The following DIAPH3 variants were observed in gnomAD, a reference collection of about 807,000 sequenced individuals.
The protein encoded by DIAPH3 is protein diaphanous homolog 3.
Under a neutral mutation model 144.3 loss-of-function variants are expected in DIAPH3, and 117 were observed. The ratio of observed to expected loss-of-function variants is 0.81; its 90% CI spans 0.70 to 0.95. DIAPH3 has a LOEUF of 0.95. Among genes scored for constraint, DIAPH3 ranks in the 40% least tolerant of loss-of-function variants. The probability of loss-of-function intolerance (pLI) is 0.00; values close to 1 mark genes in which losing one functional copy is unlikely to be tolerated. For missense variants in DIAPH3, 1,421 were observed against 1,412.7 expected (o/e 1.01, Z -0.09); for synonymous variants, 519 against 488.9 (o/e 1.06, Z -0.81).
At chr13:59,861,565 C>CA in intron 21 of DIAPH3, 29 bp from the exon 22 acceptor site, 1 of 1,603,056 alleles carries the variant, frequency 6.2e-7, no homozygotes, top group South Asian at 1.1e-5. Context: ...AGAAAAAACA[C>CA]AGAGTCATAA....
chr13:59,835,365 G>GA (rs34539536), intron 23 of DIAPH3, among the ~76,000 whole-genome samples: 9 of 151,246 alleles, frequency 6.0e-5, no homozygotes, highest in African/African-American at 2.2e-4. Flanking sequence ...GTATGATGTA[G>GA]AAAAAAAATA....
intron 27 of DIAPH3, among the ~76,000 whole-genome samples, chr13:59,706,550 T>C (rs2034438827): frequency 6.6e-6 from 1 of 152,244 alleles, no homozygotes. Flanking sequence ...ATTAAGTTAC[T>C]CTAATATATT....
At chr13:60,136,853 T>C (rs868178753) in intron 1 of DIAPH3, among the ~76,000 whole-genome samples, 2 of 151,742 alleles carry the variant, frequency 1.3e-5, no homozygotes, top group South Asian at 2.1e-4. Flanking sequence ...GACAGGAGAA[T>C]GGCGTGAACC....
chr13:60,105,112 A>AC (rs1566777920), intron 3 of DIAPH3, among the ~76,000 whole-genome samples: 2 of 74,580 alleles, frequency 2.7e-5, no homozygotes, highest in Non-Finnish European at 3.1e-5. Context: ...AAAAAAAAAA[A>AC]AAAAAAAAAA....
At chr13:59,731,800 A>C (rs986019374) in intron 27 of DIAPH3, among the ~76,000 whole-genome samples, 1 of 152,230 alleles carries the variant, frequency 6.6e-6, no homozygotes, top group Non-Finnish European at 1.5e-5. Flanking sequence ...AGCTTTTCAC[A>C]GCTGAAAAAT....
At chr13:60,114,189 A>ATT (rs111992300) in intron 2 of DIAPH3, among the ~76,000 whole-genome samples, 33 of 148,138 alleles carry the variant, frequency 2.2e-4, no homozygotes, top group Admixed American at 8.1e-4. Flanking sequence ...TAAAATGGGC[A>ATT]TTTTTTTTTT....
chr13:59,977,214 T>C (rs1366333206), intron 14 of DIAPH3, among the ~76,000 whole-genome samples: 1 of 151,658 alleles, frequency 6.6e-6, no homozygotes, highest in Non-Finnish European at 1.5e-5. Context: ...CAATTAAAAA[T>C]ACCAGCAATA....
rs1304587208 is a variant in DIAPH3 at position 60,118,209 on chromosome 13, AAATT to A, written c.214-6027_214-6024del. On this transcript the variant is annotated intron_variant, in intron 2 of 27. Transcript: ENST00000400324. ...ATAATCAGTAATGACAGTTTAAATA[AAATT>A]AATTAAACAAAAAAAGGTTCAAAAA... 3.9e-5 allele frequency among the ~76,000 whole-genome samples: 6 copies of A among 152,306 alleles called. No individual in the cohort carries two copies. In the South Asian group the frequency reaches 6.2e-4, roughly 16 times the overall value.
chr13:59,858,315 T>C (rs1206122032), intron 22 of DIAPH3, among the ~76,000 whole-genome samples: 1 of 152,038 alleles, frequency 6.6e-6, no homozygotes, highest in Non-Finnish European at 1.5e-5. Flanking sequence ...GGGGAAGAGC[T>C]AGATGGGAGT....
At chr13:59,863,419 C>T (rs1032799350) in intron 21 of DIAPH3, among the ~76,000 whole-genome samples, 3 of 152,082 alleles carry the variant, frequency 2.0e-5, no homozygotes, top group African/African-American at 7.2e-5. Context: ...TAAATAAATT[C>T]CCATAAGTAA....
chr13:59,803,205 CA>C (rs1555302081), intron 25 of DIAPH3, among the ~76,000 whole-genome samples: 2 of 151,982 alleles, frequency 1.3e-5, no homozygotes, highest in Non-Finnish European at 2.9e-5. Context: ...GTGATAAGAT[CA>C]AAAGAACTGA....
intron 1 of DIAPH3, among the ~76,000 whole-genome samples, chr13:60,140,620 C>T (rs2059405349): frequency 6.6e-6 from 1 of 151,980 alleles, no homozygotes; most frequent in Admixed American, 6.5e-5. Flanking sequence ...GGTAATTTTA[C>T]ACATCTGGAT....
intron 20 of DIAPH3, among the ~76,000 whole-genome samples, chr13:59,895,269 T>C (rs1013843866): frequency 6.6e-6 from 1 of 151,990 alleles, no homozygotes; most frequent in African/African-American, 2.4e-5. Context: ...AGTGTTTCAC[T>C]AAACGGGAAA....
intron 1 of DIAPH3, among the ~76,000 whole-genome samples, chr13:60,139,571 C>A (rs909058920): frequency 3.3e-5 from 5 of 152,096 alleles, no homozygotes; most frequent in African/African-American, 9.7e-5. Context: ...CAAGTGTCCA[C>A]AGCAGTGAAA....
chr13:59,721,975 T>C (rs2035367593), intron 27 of DIAPH3, among the ~76,000 whole-genome samples: 2 of 152,222 alleles, frequency 1.3e-5, no homozygotes, highest in Non-Finnish European at 2.9e-5. Context: ...AGCTGGGCTT[T>C]ACCTGCCAGC....
intron 7 of DIAPH3, chr13:60,012,761 C>G (rs753252916): frequency 6.4e-6 from 1 of 155,372 alleles, no homozygotes; most frequent in Non-Finnish European, 1.4e-5. Context: ...CTGCCAAACC[C>G]TCTGGCCCTA....
intron 20 of DIAPH3, among the ~76,000 whole-genome samples, chr13:59,882,390 C>G (rs2045120630): frequency 6.6e-6 from 1 of 152,106 alleles, no homozygotes; most frequent in African/African-American, 2.4e-5. Context: ...GCGCCCAGCC[C>G]TTTTCCTCAT....
intron 22 of DIAPH3, among the ~76,000 whole-genome samples, chr13:59,841,645 T>C (rs1433390633): frequency 1.3e-5 from 2 of 152,142 alleles, no homozygotes; most frequent in Non-Finnish European, 2.9e-5. Flanking sequence ...TACATCTACT[T>C]TGTGCTATAA....
chr13:59,865,396 T>C (rs1285197847), intron 21 of DIAPH3, among the ~76,000 whole-genome samples: 1 of 152,060 alleles, frequency 6.6e-6, no homozygotes, highest in Non-Finnish European at 1.5e-5. Context: ...GTAAACTTTG[T>C]AACGCTAAAT....
Sources: allele counts gnomAD v4.1 joint callset (sites outside exome capture counted in the v4.1 genomes callset), GRCh38; gene constraint gnomAD v4.1.1; transcripts MANE v1.5; gene names NCBI Gene and HGNC (gene_info 2026-07-23, HGNC 2026-07-21).